The following GPRIN3 variants were observed in gnomAD, a reference collection of about 807,000 sequenced individuals.
GPRIN3 encodes the protein GPRIN family member 3, also known as G protein-regulated inducer of neurite outgrowth 3.
In GPRIN3, 12 loss-of-function variants were observed where a neutral mutation model predicts 13.7. The ratio of observed to expected loss-of-function variants is 0.87; its 90% CI spans 0.56 to 1.42. GPRIN3 has a LOEUF of 1.42. Among genes scored for constraint, GPRIN3 ranks in the 40% most tolerant of loss-of-function variants. GPRIN3 has a pLI of 0.00. For synonymous variants in GPRIN3, 377 were observed against 372.7 expected, an observed-to-expected ratio of 1.01 and a Z score of -0.13; for missense variants, 1,009 against 958.7, an observed-to-expected ratio of 1.05 and a Z score of -0.69.
intron 1 of GPRIN3, among the ~76,000 whole-genome samples, chr4:89,282,595 T>A (rs1724282372): frequency 4.0e-5 from 2 of 50,250 alleles, no homozygotes. Flanking sequence ...TTTTTTGCAA[T>A]TTTTTTTTTT....
intron 1 of GPRIN3, among the ~76,000 whole-genome samples, chr4:89,288,788 G>C (rs1057286427): frequency 6.6e-6 from 1 of 152,106 alleles, no homozygotes; most frequent in Non-Finnish European, 1.5e-5. Flanking sequence ...TCTGGGTAAC[G>C]TTAAAAATGA....
rs1010509170 is a variant in GPRIN3, at chr4:89,249,369, T to G, written c.742A>C (p.Lys248Gln). The change falls in exon 2 of 2, where the codon AAG (lysine) becomes CAG (glutamine). Residue 248 changes from lysine (K) to glutamine (Q), a missense_variant. Physicochemically the swap from Lys to Gln is moderately conservative, Grantham distance 53 (BLOSUM62 1). Transcript: ENST00000609438. The stretch of plus-strand genomic sequence containing the variant: ...CCCGAGGCAGTGACAGAGGGCTGCT[T>G]GTTCTCTGAACATCCAGATTCTCTA... ...LTRESGCSEN[K>Q]QPSVTASGPQ... 5.6e-6 allele frequency: 9 copies of G among 1,614,054 alleles called. No individual in the cohort carries two copies. Among genetic ancestry groups the G allele is most frequent in the Admixed American group, 1.7e-5 (1 of 60,006 alleles).
chr4:89,276,517 A>T (rs560683874), intron 1 of GPRIN3, among the ~76,000 whole-genome samples: 2 of 152,338 alleles, frequency 1.3e-5, no homozygotes, highest in Admixed American at 6.5e-5. Flanking sequence ...TCTTTTGAAA[A>T]ACTAGCTATC....
At chr4:89,305,017 T>C (rs1486012437) in intron 1 of GPRIN3, among the ~76,000 whole-genome samples, 1 of 152,206 alleles carries the variant, frequency 6.6e-6, no homozygotes, top group Non-Finnish European at 1.5e-5. Context: ...GTAATCTGAA[T>C]ACCATAGATC....
rs187318740 is a variant in GPRIN3 at position 89,260,087 on chromosome 4, G to A, written c.-123-9854C>T. On this transcript the variant is annotated intron_variant, in intron 1 of 1. Coordinates refer to ENST00000609438, the MANE Select transcript of GPRIN3 (RefSeq NM_198281.3). ...CTCCCAAAGTGCTGGGATTACAGGCGTGAGCCACCACGCCTGGCCCTACTT... is the reference window on the plus strand; with the variant it reads ...CTCCCAAAGTGCTGGGATTACAGGCATGAGCCACCACGCCTGGCCCTACTT... Among the ~76,000 whole-genome samples the A allele has an allele frequency of 2.3e-3, 352 of 152,300 alleles. 2 individuals carry two copies. Among genetic ancestry groups the A allele is most frequent in the African/African-American group, 8.1e-3 (335 of 41,564 alleles).
chr4:89,259,547 A>G (rs1019955830), intron 1 of GPRIN3, among the ~76,000 whole-genome samples: 1 of 152,216 alleles, frequency 6.6e-6, no homozygotes, highest in Non-Finnish European at 1.5e-5. Context: ...TGTGTTAGAT[A>G]TGATCAAAGC....
intron 1 of GPRIN3, among the ~76,000 whole-genome samples, chr4:89,273,847 G>A (rs896386601): frequency 2.6e-5 from 4 of 152,200 alleles, no homozygotes; most frequent in African/African-American, 9.7e-5. Context: ...GTTATGGTAC[G>A]TGTCCCTCCT....
At chr4:89,250,365 T>C in intron 1 of GPRIN3, 132 bp from the exon 2 acceptor site, 1 of 414,812 alleles carries the variant, frequency 2.4e-6, no homozygotes, top group Non-Finnish European at 4.1e-6. Context: ...AAATAGACCT[T>C]GTGGGGAGGG....
intron 1 of GPRIN3, among the ~76,000 whole-genome samples, chr4:89,300,248 G>C: frequency 6.6e-6 from 1 of 152,122 alleles, no homozygotes; most frequent in East Asian, 1.9e-4. Flanking sequence ...CACCTAAGTA[G>C]TCCAGACTTT....
At chr4:89,296,390 T>C (rs1426054305) in intron 1 of GPRIN3, among the ~76,000 whole-genome samples, 1 of 152,222 alleles carries the variant, frequency 6.6e-6, no homozygotes, top group Non-Finnish European at 1.5e-5. Context: ...CCGAGTACCA[T>C]TAATTCATTA....
At chr4:89,282,778 G>A (rs58981368) in intron 1 of GPRIN3, among the ~76,000 whole-genome samples, 7,154 of 152,062 alleles carry the variant, frequency 0.047, 574 homozygotes, top group African/African-American at 0.16. Context: ...CTACCTCTTC[G>A]TGGCCCGAGG....
chr4:89,254,531 C>G (rs1039271001), intron 1 of GPRIN3, among the ~76,000 whole-genome samples: 4 of 152,192 alleles, frequency 2.6e-5, no homozygotes, highest in Admixed American at 6.5e-5. Context: ...CCAGCTCTAT[C>G]CATGTTTCTG....
chr4:89,291,880 G>T (rs187750896), intron 1 of GPRIN3, among the ~76,000 whole-genome samples: 50 of 145,776 alleles, frequency 3.4e-4, no homozygotes, highest in African/African-American at 1.3e-3. Context: ...GTGTGGGATG[G>T]AATTTTAACA....
intron 1 of GPRIN3, among the ~76,000 whole-genome samples, chr4:89,302,189 G>A (rs1036569138): frequency 6.6e-6 from 1 of 152,234 alleles, no homozygotes; most frequent in East Asian, 1.9e-4. Flanking sequence ...GGAGGAAGGG[G>A]TGCACAGTAA....
intron 1 of GPRIN3, among the ~76,000 whole-genome samples, chr4:89,301,952 T>C (rs6839114): frequency 0.35 from 53,020 of 152,080 alleles, 11,331 homozygotes; most frequent in East Asian, 0.51. Context: ...CACAAAGCTG[T>C]GAATCCTGAC....
intron 1 of GPRIN3, among the ~76,000 whole-genome samples, chr4:89,267,273 G>A (rs1342894073): frequency 6.6e-6 from 1 of 152,164 alleles, no homozygotes; most frequent in Non-Finnish European, 1.5e-5. Context: ...GCAAAATTGA[G>A]AAGGGTGTTC....
At chr4:89,267,481 T>C (rs1024438627) in intron 1 of GPRIN3, among the ~76,000 whole-genome samples, 1 of 152,220 alleles carries the variant, frequency 6.6e-6, no homozygotes, top group Non-Finnish European at 1.5e-5. Flanking sequence ...ATGTTGCTGC[T>C]TGATAGTACT....
chr4:89,255,860 T>G (rs1215331324), intron 1 of GPRIN3, among the ~76,000 whole-genome samples: 1 of 152,244 alleles, frequency 6.6e-6, no homozygotes, highest in Non-Finnish European at 1.5e-5. Context: ...AAATTCTTCC[T>G]GAATTGAGCA....
intron 1 of GPRIN3, among the ~76,000 whole-genome samples, chr4:89,281,933 T>C (rs562131599): frequency 1.3e-5 from 2 of 152,184 alleles, no homozygotes; most frequent in African/African-American, 4.8e-5. Flanking sequence ...TTCTAAAGTC[T>C]TTATTATAAT....
Sources: gnomAD v4.1 joint callset for allele counts (sites outside exome capture counted in the v4.1 genomes callset) on GRCh38, gnomAD v4.1.1 for gene constraint, MANE v1.5 for transcripts, NCBI Gene and HGNC (gene_info 2026-07-23, HGNC 2026-07-21) for gene names.